Variants in ARHGEF12 observed in about 807,000 individuals in gnomAD.
The protein encoded by ARHGEF12 is Rho guanine nucleotide exchange factor 12.
ARHGEF12 carries 66 observed loss-of-function variants against 211.2 expected under a neutral mutation model. The observed-to-expected ratio is 0.31, with a 90% CI of 0.26 to 0.38. The LOEUF is 0.38. Among genes scored for constraint, ARHGEF12 ranks in the 10% least tolerant of loss-of-function variants. ARHGEF12 has a pLI of 1.00. For synonymous variants in ARHGEF12, 592 were observed against 638.4 expected, an observed-to-expected ratio of 0.93 and a Z score of 1.09; for missense variants, 1,429 against 1,869.5, an observed-to-expected ratio of 0.76 and a Z score of 4.34.
intron 1 of ARHGEF12, among the ~76,000 whole-genome samples, chr11:120,360,780 A>C (rs1254280916): frequency 6.6e-6 from 1 of 152,248 alleles, no homozygotes; most frequent in Non-Finnish European, 1.5e-5. Flanking sequence ...TGTTTGCTAC[A>C]TATAAAAGAG....
At chr11:120,439,895 GGTTTTTTCCCCCCAAAAAAAACTCGTT>G (rs1945818793) in intron 12 of ARHGEF12, 2 of 465,368 alleles carry the variant, frequency 4.3e-6, no homozygotes, top group Admixed American at 3.8e-5. Flanking sequence ...CAAGGGGAGT[GGTTTTTTCCCCCCAAAAAAAACTCGTT>G]GTTGTGGTCT....
rs1440970278 is a variant in ARHGEF12, at chr11:120,437,305, T to C, written c.925-3T>C. Reference sequence around the variant, plus strand: ...GAACTGAAGATCTTGTTTTTTTCATTAGAGTCCCAAGAGTGGCCCAAAAGA... The same window carrying C: ...GAACTGAAGATCTTGTTTTTTTCATCAGAGTCCCAAGAGTGGCCCAAAAGA... On this transcript the variant is annotated splice_region_variant and splice_polypyrimidine_tract_variant and intron_variant, in intron 11 of 40. Coordinates refer to ENST00000397843, the MANE Select transcript of ARHGEF12 (RefSeq NM_015313.3). 6.2e-7 allele frequency: 1 copy of C among 1,606,934 alleles called. No homozygotes were observed. The highest frequency in any genetic ancestry group is 1.7e-5 in the Admixed American group (1 of 58,900).
intron 22 of ARHGEF12, among the ~76,000 whole-genome samples, chr11:120,455,057 A>G (rs567653994): frequency 8.5e-5 from 13 of 152,212 alleles, no homozygotes; most frequent in Non-Finnish European, 1.9e-4. Flanking sequence ...CTAAAATTAA[A>G]GTCAAGGAAA....
In ARHGEF12 at chr11:120,448,239, C is replaced by A; in HGVS notation, c.1628C>A (p.Thr543Asn). 1 of 1,611,186 alleles carries A rather than the reference C, an allele frequency of 6.2e-7. No individual in the cohort carries two copies. Among genetic ancestry groups the A allele is most frequent in the Non-Finnish European group, 8.5e-7 (1 of 1,177,936 alleles). Residue 543 changes from threonine to asparagine, a missense_variant, in exon 20 of 41, where the codon ACC becomes AAC. Physicochemically the swap from Thr to Asn is moderately conservative, Grantham distance 65. This residue lies in a region of ARHGEF12 where 373 missense variants were observed against 467.5 expected (regional missense o/e 0.80). Coordinates refer to ENST00000397843, the MANE Select transcript of ARHGEF12 (RefSeq NM_015313.3). ...CTTCGTCCTTTCTCCTCCAGCTCCA[C>A]CATGCAGTATGTTATTCTCATGTAT... ...AQAVEEDKSSTMQYVILMYMK... is the reference protein window; with the variant it reads ...AQAVEEDKSSNMQYVILMYMK...
intron 1 of ARHGEF12, among the ~76,000 whole-genome samples, chr11:120,338,226 T>C (rs1156356128): frequency 6.6e-6 from 1 of 152,248 alleles, no homozygotes; most frequent in East Asian, 1.9e-4. Context: ...CTTCGAATTA[T>C]TACACCGTGA....
At chr11:120,468,542 G>T (rs1283959372) in intron 29 of ARHGEF12, among the ~76,000 whole-genome samples, 2 of 152,080 alleles carry the variant, frequency 1.3e-5, no homozygotes, top group Non-Finnish European at 2.9e-5. Flanking sequence ...TCCACCTCCC[G>T]GGTTCAAGCA....
At position 120,486,644 on chromosome 11, in the gene ARHGEF12, T is replaced by G. The variant is rs1471224692; in HGVS notation, c.*1567T>G. The stretch of plus-strand genomic sequence containing the variant: ...AAGGAGTTCATCCGTTGCTCACATC[T>G]TTCATTGGTGCCCTCTGAACTCTGT... On this transcript the variant is annotated 3_prime_UTR_variant, in exon 41 of 41. Transcript: ENST00000397843. The G allele has an allele frequency of 1.8e-5, 4 of 224,144 alleles. No individual in the cohort carries two copies. The highest frequency in any genetic ancestry group is 3.6e-5 in the Non-Finnish European group (4 of 112,368). 13.9% of individuals were successfully genotyped at this position (224,144 alleles called of 1,614,324 possible). A position where few individuals can be genotyped will look rare whatever the true frequency, so the allele number is the denominator to read the frequency against.
chr11:120,351,222 G>A (rs977200560), intron 1 of ARHGEF12, among the ~76,000 whole-genome samples: 1 of 149,482 alleles, frequency 6.7e-6, no homozygotes, highest in Non-Finnish European at 1.5e-5. Context: ...GTGGTAGCAG[G>A]CGCCTGTAGT....
Position 120,343,245 on chromosome 11 carries a change from T to C in ARHGEF12, c.32+5970T>C, listed in dbSNP as rs1486594613. On this transcript the variant is annotated intron_variant, in intron 1 of 40. Transcript: ENST00000397843. ...ATTAGCATATTTTCTTTAGTACTAT[T>C]TTAGTTTCAAATTATTGAGATAGAT... Among the ~76,000 whole-genome samples, 4 of 152,326 alleles carry C rather than the reference T, an allele frequency of 2.6e-5. No individual in the cohort carries two copies. The East Asian group carries it at 7.7e-4, about 29-fold the overall frequency.
intron 7 of ARHGEF12, 84 bp from the exon 8 acceptor site, chr11:120,427,982 CGAA>C (rs998702946): frequency 2.0e-5 from 23 of 1,145,818 alleles, no homozygotes; most frequent in Non-Finnish European, 4.8e-6. Flanking sequence ...TTAGAACTAT[CGAA>C]GATTAAGTAG....
chr11:120,404,621 A>G (rs933163995), intron 1 of ARHGEF12, among the ~76,000 whole-genome samples: 1 of 152,130 alleles, frequency 6.6e-6, no homozygotes, highest in Non-Finnish European at 1.5e-5. Flanking sequence ...ACGGGTTTAC[A>G]ATCAGTAGTC....
intron 30 of ARHGEF12, among the ~76,000 whole-genome samples, chr11:120,470,938 A>G (rs773989220): frequency 1.6e-4 from 24 of 152,192 alleles, no homozygotes; most frequent in Non-Finnish European, 2.6e-4. Context: ...TGGCCTGCAA[A>G]GCCTAACTGA....
chr11:120,454,979 C>A (rs750350204), intron 22 of ARHGEF12, among the ~76,000 whole-genome samples: 18 of 151,674 alleles, frequency 1.2e-4, no homozygotes, highest in Non-Finnish European at 2.2e-4. Context: ...GGAGAAATAT[C>A]AAAAAATGTG....
At chr11:120,381,852 C>G (rs1943888249) in intron 1 of ARHGEF12, among the ~76,000 whole-genome samples, 1 of 152,120 alleles carries the variant, frequency 6.6e-6, no homozygotes, top group Non-Finnish European at 1.5e-5. Context: ...AATTTATTTT[C>G]TGTGTCTCTA....
chr11:120,448,674 T>C (rs1946117237), intron 20 of ARHGEF12: 1 of 325,878 alleles, frequency 3.1e-6, no homozygotes, highest in Non-Finnish European at 5.5e-6. Context: ...TGAACATCTT[T>C]AGTGGCAGTA....
chr11:120,382,988 A>T (rs1943919688), intron 1 of ARHGEF12, among the ~76,000 whole-genome samples: 2 of 152,082 alleles, frequency 1.3e-5, no homozygotes, highest in Admixed American at 1.3e-4. Flanking sequence ...AAATACAAAA[A>T]ATTAGCCAGG....
chr11:120,474,648 T>C lies in ARHGEF12; in HGVS notation c.3109+13T>C, dbSNP rs536031334. The C allele has an allele frequency of 4.4e-5, 71 of 1,597,560 alleles. No individual in the cohort carries two copies. Among genetic ancestry groups the C allele is most frequent in the African/African-American group, 1.2e-4 (9 of 74,156 alleles). ...GATAAAACTATTGGTAGGTCTGATATTGTCTTTTAGTTTTGGGGAGAGTGG... is the reference window on the plus strand; with the variant it reads ...GATAAAACTATTGGTAGGTCTGATACTGTCTTTTAGTTTTGGGGAGAGTGG... On this transcript the variant is annotated intron_variant, in intron 32 of 40. Transcript: ENST00000397843.
intron 1 of ARHGEF12, among the ~76,000 whole-genome samples, chr11:120,348,019 T>C (rs1942819412): frequency 6.6e-6 from 1 of 152,238 alleles, no homozygotes; most frequent in African/African-American, 2.4e-5. Flanking sequence ...CTTCTTTCAT[T>C]GTGTACAGAG....
At chr11:120,421,889 T>G in intron 6 of ARHGEF12, 37 bp downstream of exon 6, 53 of 1,525,994 alleles carry the variant, frequency 3.5e-5, no homozygotes, top group Non-Finnish European at 4.4e-5. Flanking sequence ...ACGGTAGGAT[T>G]AAAAAACAAC....
Sources: allele counts gnomAD v4.1 joint callset (sites outside exome capture counted in the v4.1 genomes callset), GRCh38; gene constraint gnomAD v4.1.1; regional missense constraint gnomAD v4.1.1; transcripts MANE v1.5; gene names NCBI Gene and HGNC (gene_info 2026-07-23, HGNC 2026-07-21).